Variants in TREM2 observed in about 807,000 individuals in gnomAD.
TREM2 encodes the protein triggering receptor expressed on monocytes 2.
Under a neutral mutation model 22.9 loss-of-function variants are expected in TREM2, and 20 were observed. The ratio of observed to expected loss-of-function variants is 0.87; its 90% CI spans 0.61 to 1.27. The LOEUF (loss-of-function observed/expected upper bound fraction) is 1.27. Among genes scored for constraint, TREM2 ranks in the 50% most tolerant of loss-of-function variants. The pLI is 0.00. For missense variants in TREM2, 267 were observed against 289.0 expected (o/e 0.92, Z 0.55); for synonymous variants, 111 against 120.9 (o/e 0.92, Z 0.54).
intron 3 of TREM2, 36 bp from the exon 4 acceptor site, chr6:41,159,102 A>G (rs1765493322): frequency 6.3e-7 from 1 of 1,590,254 alleles, no homozygotes; most frequent in Non-Finnish European, 8.6e-7. Context: ...GAGCCTTGAG[A>G]TGGCCTACAG....
At chr6:41,159,483 T>G (rs1182992999) in intron 3 of TREM2, among the ~76,000 whole-genome samples, 1 of 152,068 alleles carries the variant, frequency 6.6e-6, no homozygotes, top group Non-Finnish European at 1.5e-5. Context: ...AAACATTCAT[T>G]GTTGCTGAAT....
Position 41,158,855 on chromosome 6 carries a change from T to A in TREM2, c.676+18A>T. On this transcript the variant is annotated intron_variant, in intron 4 of 4. Transcript: ENST00000373113. ...CCCTGCCCAGTCCACCCTTGATGGC[T>A]GTGCTCTCCAAGCCCACCTGGCAGA... 1 of 1,614,240 alleles carries A rather than the reference T, an allele frequency of 6.2e-7. No individual in the cohort carries two copies. The highest frequency in any genetic ancestry group is 1.1e-5 in the South Asian group (1 of 91,092).
At chr6:41,162,329 C>A (rs1027357774) in intron 1 of TREM2, among the ~76,000 whole-genome samples, 1 of 152,212 alleles carries the variant, frequency 6.6e-6, no homozygotes, top group African/African-American at 2.4e-5. Flanking sequence ...CCGTGGCCCT[C>A]TCCCATCTGA....
chr6:41,160,550 C>G (rs1287336479), intron 2 of TREM2, among the ~76,000 whole-genome samples: 1 of 152,010 alleles, frequency 6.6e-6, no homozygotes, highest in Non-Finnish European at 1.5e-5. Flanking sequence ...GGTCCCTGCG[C>G]AGAGCTCGGG....
intron 2 of TREM2, 29 bp downstream of exon 2, chr6:41,161,234 G>C: frequency 1.2e-6 from 2 of 1,603,550 alleles, no homozygotes; most frequent in Non-Finnish European, 1.7e-6. Flanking sequence ...AACAGGGGCA[G>C]GCCAGAGAGG....
At position 41,158,656 on chromosome 6, in the gene TREM2, T is replaced by C. The variant is rs754547724; in HGVS notation, c.*108A>G. Reference sequence around the variant, plus strand: ...GAGAAGCAGTGTTCAGGCAGAGTAGTCTCTTGCCAGAGCAGAACAAGGAGT... The same window carrying C: ...GAGAAGCAGTGTTCAGGCAGAGTAGCCTCTTGCCAGAGCAGAACAAGGAGT... On this transcript the variant is annotated 3_prime_UTR_variant, in exon 5 of 5. Coordinates refer to ENST00000373113, the MANE Select transcript of TREM2 (RefSeq NM_018965.4). The C allele has an allele frequency of 4.4e-6, 7 of 1,607,728 alleles. No homozygotes were observed. The Admixed American group carries it at 1.0e-4, about 23-fold the overall frequency.
chr6:41,161,427 C>T lies in TREM2; in HGVS notation c.227G>A (p.Arg76Lys), dbSNP rs750350177. 1.9e-6 allele frequency: 3 copies of T among 1,614,258 alleles called. No individual in the cohort carries two copies. The Admixed American group carries it at 5.0e-5, about 27-fold the overall frequency. Reference sequence around the variant, plus strand: ...GATGGCTGTGCTCCCATTCCACCTCCTCAGGAAGGACAGCAGCCACAAGTT... The same window carrying T: ...GATGGCTGTGCTCCCATTCCACCTCTTCAGGAAGGACAGCAGCCACAAGTT... ...THNLWLLSFL[R>K]RWNGSTAITD... Residue 76 changes from arginine (R) to lysine (K), a missense_variant, in exon 2 of 5, where the codon AGG (arginine) becomes AAG (lysine). Physicochemically the swap from Arg to Lys is conservative, Grantham distance 26. Transcript: ENST00000373113.
chr6:41,158,854 C>A lies in TREM2; in HGVS notation c.676+19G>T, dbSNP rs1394521451. On this transcript the variant is annotated intron_variant, in intron 4 of 4. Transcript: ENST00000373113. The stretch of plus-strand genomic sequence containing the variant: ...TCCCTGCCCAGTCCACCCTTGATGG[C>A]TGTGCTCTCCAAGCCCACCTGGCAG... The A allele has an allele frequency of 6.2e-7, 1 of 1,614,106 alleles. No individual in the cohort carries two copies. The highest frequency in any genetic ancestry group is 8.5e-7 in the Non-Finnish European group (1 of 1,180,026).
In TREM2 at chr6:41,159,857, T is replaced by G. The variant is rs747924604; in HGVS notation, c.417A>C (p.Gly139=). The change falls in exon 3 of 5, where the codon GGA becomes GGC. Residue 139 remains glycine (G), a synonymous_variant. Coordinates refer to ENST00000373113, the MANE Select transcript of TREM2 (RefSeq NM_018965.4). ...LADPLDHRDA[G]DLWFPGESES... is the part of the protein sequence containing the mutation. ...CAGACTCCCCGGGGAACCAGAGATC[T>G]CCAGCATCCCGGTGATCCAGGGGGT... 4.3e-6 allele frequency: 7 copies of G among 1,614,014 alleles called. No homozygotes were observed. Among genetic ancestry groups the G allele is most frequent in the Non-Finnish European group, 5.9e-6 (7 of 1,179,976 alleles).
chr6:41,159,400 A>G (rs144264822), intron 3 of TREM2, among the ~76,000 whole-genome samples: 9 of 152,300 alleles, frequency 5.9e-5, no homozygotes, highest in African/African-American at 2.2e-4. Context: ...ACAGGCATGG[A>G]CCAGTCAGAA....
At chr6:41,161,132 T>C (rs1367390003) in intron 2 of TREM2, 131 bp downstream of exon 2, 1 of 846,520 alleles carries the variant, frequency 1.2e-6, no homozygotes, top group African/African-American at 1.7e-5. Flanking sequence ...TAGCCCTGAG[T>C]AGGGAGATGA....
At position 41,161,499 on chromosome 6, in the gene TREM2, C is replaced by T. The variant is rs374851046; in HGVS notation, c.155G>A (p.Arg52His). Residue 52 changes from arginine to histidine, a missense_variant, in exon 2 of 5, where the codon CGC becomes CAC. Arg to His is a conservative substitution (Grantham distance 29). Transcript: ENST00000373113. ...KHWGRRKAWC[R>H]QLGEKGPCQR... ...GCATGGGCCCTTCTCTCCCAGCTGG[C>T]GGCACCAGGCCTTGCGCCTCCCCCA... is the stretch of plus-strand genomic sequence containing the variant. The T allele has an allele frequency of 8.1e-6, 13 of 1,614,082 alleles. No individual in the cohort carries two copies. The highest frequency in any genetic ancestry group is 4.5e-5 in the East Asian group (2 of 44,898).
chr6:41,161,762 T>G, intron 1 of TREM2, 149 bp from the exon 2 acceptor site: 1 of 704,456 alleles, frequency 1.4e-6, no homozygotes, highest in Non-Finnish European at 2.4e-6. Context: ...CATGTGTTTG[T>G]GGGAAATTGG....
At chr6:41,161,678 A>C in intron 1 of TREM2, 65 bp from the exon 2 acceptor site, 1 of 1,418,200 alleles carries the variant, frequency 7.1e-7, no homozygotes, top group Non-Finnish European at 9.7e-7. Context: ...TGCTCTGTGC[A>C]GTGACCTAAA....
At chr6:41,161,120 G>T (rs1406894758) in intron 2 of TREM2, 143 bp downstream of exon 2, 13 of 796,062 alleles carry the variant, frequency 1.6e-5, no homozygotes, top group Non-Finnish European at 2.2e-5. Flanking sequence ...AACTATCCTT[G>T]GTAGCCCTGA....
intron 3 of TREM2, among the ~76,000 whole-genome samples, chr6:41,159,287 C>T (rs1160953331): frequency 2.6e-5 from 4 of 152,226 alleles, no homozygotes; most frequent in South Asian, 2.1e-4. Flanking sequence ...TTAAACACAC[C>T]ACCTTCCCTC....
chr6:41,161,482 C>T lies in TREM2; in HGVS notation c.172G>A (p.Gly58Ser). 6.2e-7 allele frequency: 1 copy of T among 1,614,254 alleles called. No individual in the cohort carries two copies. Among genetic ancestry groups the T allele is most frequent in the Middle Eastern group, 1.6e-4 (1 of 6,062 alleles). Reference sequence around the variant, plus strand: ...GTGCTGACCACACGCTGGCATGGGCCCTTCTCTCCCAGCTGGCGGCACCAG... The same window carrying T: ...GTGCTGACCACACGCTGGCATGGGCTCTTCTCTCCCAGCTGGCGGCACCAG... Reference protein sequence around the residue: ...KAWCRQLGEKGPCQRVVSTHN... With the variant: ...KAWCRQLGEKSPCQRVVSTHN... The change falls in exon 2 of 5, where the codon GGC (glycine) becomes AGC (serine). Residue 58 changes from glycine to serine, a missense_variant. Physicochemically the swap from Gly to Ser is moderately conservative, Grantham distance 56. Coordinates refer to ENST00000373113, the MANE Select transcript of TREM2 (RefSeq NM_018965.4).
At position 41,159,018 on chromosome 6, in the gene TREM2, G is replaced by C. The variant is rs1765490932; in HGVS notation, c.531C>G (p.Leu177=). 1 of 1,614,194 alleles carries C rather than the reference G, an allele frequency of 6.2e-7. No homozygotes were observed. ...TGATGAGAAAGATGCAGGCCAGGAG[G>C]AGAAGGATGGAAGTGGGTGGGAAGG... The part of the protein sequence containing the change: ...EIPFPPTSIL[L]LLACIFLIKI... Residue 177 remains leucine (L), a synonymous_variant, in exon 4 of 5, where the codon CTC becomes CTG. Coordinates refer to ENST00000373113, the MANE Select transcript of TREM2 (RefSeq NM_018965.4).
At chr6:41,159,917 T>G in intron 2 of TREM2, 35 bp from the exon 3 acceptor site, 2 of 1,575,942 alleles carry the variant, frequency 1.3e-6, no homozygotes, top group Non-Finnish European at 1.7e-6. Flanking sequence ...TCCAGCCCCT[T>G]CCTCCTCGAG....
Sources: gnomAD v4.1 joint callset for allele counts (sites outside exome capture counted in the v4.1 genomes callset) on GRCh38, gnomAD v4.1.1 for gene constraint, MANE v1.5 for transcripts, NCBI Gene and HGNC (gene_info 2026-07-23, HGNC 2026-07-21) for gene names.